The following QSER1 variants were observed in gnomAD, a reference collection of about 807,000 sequenced individuals.
QSER1 encodes glutamine and serine rich 1.
A neutral mutation model predicts 158.5 loss-of-function variants in QSER1; 49 were observed. The ratio of observed to expected loss-of-function variants is 0.31; its 90% CI spans 0.25 to 0.39. The LOEUF (loss-of-function observed/expected upper bound fraction) is 0.39. QSER1 is among the 10% of genes least tolerant of loss of function. QSER1 has a pLI of 1.00. For synonymous variants in QSER1, 650 were observed against 715.5 expected, an observed-to-expected ratio of 0.91 and a Z score of 1.46; for missense variants, 1,754 against 2,010.3, an observed-to-expected ratio of 0.87 and a Z score of 2.44.
rs540057197 is a variant in QSER1, at chr11:32,933,642, C to G, written c.2384C>G (p.Thr795Ser). 6.2e-7 allele frequency: 1 copy of G among 1,613,538 alleles called. No homozygotes were observed. The highest frequency in any genetic ancestry group is 1.1e-5 in the South Asian group (1 of 90,960). ...AAGAACTCAACTAATTTAATACAGA[C>G]TCCACAAATAAGGTTGAATACTAAA... ...DLKNSTNLIQ[T>S]PQIRLNTKDL... Residue 795 changes from threonine (T) to serine (S), a missense_variant, in exon 4 of 13, where the codon ACT becomes AGT. This residue lies in a region of QSER1 where 1,707 missense variants were observed against 1,919.6 expected (regional missense o/e 0.89). Transcript: ENST00000650167.
chr11:32,942,871 A>G (rs1852264444), intron 4 of QSER1, among the ~76,000 whole-genome samples: 1 of 152,108 alleles, frequency 6.6e-6, no homozygotes, highest in African/African-American at 2.4e-5. Context: ...ATGAGCATGG[A>G]ATGTTCTTCC....
rs1421805350 is a variant in QSER1, at chr11:32,932,335, G to A, written c.1077G>A (p.Gln359=). ...SVVNFQETTR[Q]SSLSCSPIGD... Reference sequence around the variant, plus strand: ...TTAATTTTCAGGAAACAACCAGGCAGTCATCTTTATCCTGTAGCCCAATTG... The same window carrying A: ...TTAATTTTCAGGAAACAACCAGGCAATCATCTTTATCCTGTAGCCCAATTG... The change falls in exon 4 of 13, where the codon CAG becomes CAA. Residue 359 remains glutamine (Q), a synonymous_variant. Transcript: ENST00000650167. 6.2e-7 allele frequency: 1 copy of A among 1,612,836 alleles called. No homozygotes were observed. Among genetic ancestry groups the A allele is most frequent in the African/African-American group, 1.3e-5 (1 of 75,038 alleles).
intron 4 of QSER1, among the ~76,000 whole-genome samples, chr11:32,939,353 T>C (rs1469256888): frequency 6.6e-6 from 1 of 152,200 alleles, no homozygotes; most frequent in Non-Finnish European, 1.5e-5. Flanking sequence ...CTTAAAAAAA[T>C]GTGTAATACC....
chr11:32,913,569 T>C (rs1199986444), intron 1 of QSER1, among the ~76,000 whole-genome samples: 1 of 152,216 alleles, frequency 6.6e-6, no homozygotes, highest in Non-Finnish European at 1.5e-5. Context: ...TATTTACTTA[T>C]GCTCTTTTAT....
chr11:32,970,215 G>T (rs2133608308), intron 10 of QSER1, among the ~76,000 whole-genome samples: 1 of 152,280 alleles, frequency 6.6e-6, no homozygotes, highest in South Asian at 2.1e-4. Context: ...GTAAAAGTGA[G>T]TATTGACTTC....
intron 1 of QSER1, among the ~76,000 whole-genome samples, chr11:32,902,367 T>C (rs1030390321): frequency 1.3e-5 from 2 of 152,176 alleles, no homozygotes; most frequent in African/African-American, 2.4e-5. Flanking sequence ...TCTGAATCCA[T>C]AGGTCTTGGG....
chr11:32,934,523 TC>T lies in QSER1; in HGVS notation c.3266del (p.Ser1089Ter). 1 of 1,613,572 alleles carries T rather than the reference TC, an allele frequency of 6.2e-7. No individual in the cohort carries two copies. Among genetic ancestry groups the T allele is most frequent in the Non-Finnish European group, 8.5e-7 (1 of 1,179,952 alleles). On this transcript the variant is annotated frameshift_variant, in exon 4 of 13. Transcript: ENST00000650167. LOFTEE classifies it high-confidence loss of function. ...TCAAAATATACCAACTAAAGTAACT[TC>T]AGCAGTGGTTGGACCAAGTCATGAA... ...PGQNIPTKVT[S>X]AVVGPSHEVQ...
In QSER1 at chr11:32,928,104, G is replaced by T. The variant is rs1851998204; in HGVS notation, c.465G>T (p.Arg155Ser). Residue 155 changes from arginine (R) to serine (S), a missense_variant, in exon 3 of 13, where the codon AGG becomes AGT. Physicochemically the swap from Arg to Ser is moderately radical, Grantham distance 110 (BLOSUM62 -1). Coordinates refer to ENST00000650167, the MANE Select transcript of QSER1 (RefSeq NM_001076786.3). ...ASGTTLLPQF[R>S]APSWQTGMHS... is the part of the protein sequence containing the mutation. ...GAACTACTCTCTTACCACAATTCAG[G>T]GCTCCATCCTGGCAGACAGGTGATT... is the stretch of plus-strand genomic sequence containing the variant. The T allele has an allele frequency of 4.3e-6, 7 of 1,611,844 alleles. No individual in the cohort carries two copies. In the East Asian group the frequency reaches 1.6e-4, roughly 36 times the overall value.
At chr11:32,950,965 T>G (rs1479170152) in intron 4 of QSER1, among the ~76,000 whole-genome samples, 1 of 152,186 alleles carries the variant, frequency 6.6e-6, no homozygotes, top group Non-Finnish European at 1.5e-5. Flanking sequence ...CATTTACAGA[T>G]TTTTGTATGG....
chr11:32,969,933 C>T (rs146800897), intron 10 of QSER1, among the ~76,000 whole-genome samples: 6 of 152,170 alleles, frequency 3.9e-5, no homozygotes, highest in African/African-American at 1.4e-4. Context: ...GATCCGCCCA[C>T]CTTGGCCTCC....
intron 4 of QSER1, among the ~76,000 whole-genome samples, chr11:32,951,338 TG>T (rs1852418240): frequency 6.6e-6 from 1 of 152,226 alleles, no homozygotes; most frequent in African/African-American, 2.4e-5. Flanking sequence ...TATAGCTTTA[TG>T]GTAAGTTTTG....
intron 1 of QSER1, among the ~76,000 whole-genome samples, chr11:32,912,862 A>T (rs576422365): frequency 8.7e-4 from 132 of 152,216 alleles, no homozygotes; most frequent in African/African-American, 3.1e-3. Context: ...AGGGTGAGTT[A>T]TGATCACACC....
chr11:32,913,253 C>T (rs897051299), intron 1 of QSER1, among the ~76,000 whole-genome samples: 4 of 139,092 alleles, frequency 2.9e-5, no homozygotes, highest in Non-Finnish European at 6.0e-5. Flanking sequence ...TGCCGTGGCG[C>T]GATCTCGGCT....
chr11:32,909,755 C>T (rs2133504956), intron 1 of QSER1, among the ~76,000 whole-genome samples: 1 of 152,194 alleles, frequency 6.6e-6, no homozygotes. Context: ...ACTCTAGATC[C>T]TTTAACATTT....
At chr11:32,936,308 T>C (rs950161961) in intron 4 of QSER1, among the ~76,000 whole-genome samples, 3 of 152,036 alleles carry the variant, frequency 2.0e-5, no homozygotes, top group African/African-American at 4.8e-5. Context: ...GTCCTTGCAA[T>C]AGTTTGCTGA....
intron 4 of QSER1, among the ~76,000 whole-genome samples, chr11:32,937,693 C>T (rs1219597619): frequency 1.3e-5 from 2 of 152,182 alleles, no homozygotes; most frequent in African/African-American, 4.8e-5. Context: ...TTCAAAACAC[C>T]TCTGTGCTTC....
Position 32,954,108 on chromosome 11 carries a change from A to G in QSER1, c.4429A>G (p.Ser1477Gly), listed in dbSNP as rs780362750. Reference sequence around the variant, plus strand: ...TTTTACAGATGAGGAGGACACAGAAAGCGGAGGAGAAGGCCAATACAGAGA... The same window carrying G: ...TTTTACAGATGAGGAGGACACAGAAGGCGGAGGAGAAGGCCAATACAGAGA... ...EGFTDEEDTE[S>G]GGEGQYRERD... is the part of the protein sequence containing the mutation. Residue 1477 changes from serine to glycine, a missense_variant, in exon 5 of 13, where the codon AGC (serine) becomes GGC (glycine). This residue lies in a region of QSER1 where 1,707 missense variants were observed against 1,919.6 expected (regional missense o/e 0.89). Coordinates refer to ENST00000650167, the MANE Select transcript of QSER1 (RefSeq NM_001076786.3). The G allele has an allele frequency of 5.0e-6, 8 of 1,614,138 alleles. No individual in the cohort carries two copies. Among genetic ancestry groups the G allele is most frequent in the Non-Finnish European group, 6.8e-6 (8 of 1,180,030 alleles).
At chr11:32,954,535 ATCATG>A (rs1802937306) in intron 5 of QSER1, among the ~76,000 whole-genome samples, 1 of 152,246 alleles carries the variant, frequency 6.6e-6, no homozygotes, top group African/African-American at 2.4e-5. Context: ...ACAGAGAACT[ATCATG>A]TAAAAGTAGA....
Position 32,934,240 on chromosome 11 carries a change from A to C in QSER1, c.2982A>C (p.Thr994=). The part of the protein sequence containing the change: ...LAATAAACGV[T]PTDFSKSTSN... ...CTACAGCAGCAGCTTGTGGAGTTAC[A>C]CCTACTGATTTTTCCAAGTCAACTT... is the stretch of plus-strand genomic sequence containing the variant. Residue 994 remains threonine (T), a synonymous_variant, in exon 4 of 13, where the codon ACA becomes ACC. Transcript: ENST00000650167. 6.2e-7 allele frequency: 1 copy of C among 1,613,966 alleles called. No homozygotes were observed. Among genetic ancestry groups the C allele is most frequent in the Non-Finnish European group, 8.5e-7 (1 of 1,179,962 alleles).
Sources: gnomAD v4.1 joint callset for allele counts (sites outside exome capture counted in the v4.1 genomes callset) on GRCh38, gnomAD v4.1.1 for gene constraint, gnomAD v4.1.1 regional missense constraint, MANE v1.5 for transcripts, NCBI Gene and HGNC (gene_info 2026-07-23, HGNC 2026-07-21) for gene names.